Variants in RWDD3 observed in about 807,000 individuals in gnomAD.
The protein encoded by RWDD3 is RWD domain-containing protein 3.
Under a neutral mutation model 26.5 loss-of-function variants are expected in RWDD3, and 30 were observed. That is an observed-to-expected ratio of 1.13 (90% CI 0.85 to 1.54). The LOEUF (loss-of-function observed/expected upper bound fraction) is 1.54. RWDD3 is among the 40% of genes most tolerant of loss of function. The probability of loss-of-function intolerance (pLI) is 0.00; values close to 1 mark genes in which losing one functional copy is unlikely to be tolerated. For synonymous variants in RWDD3, 113 were observed against 114.5 expected (o/e 0.99, Z 0.09); for missense variants, 296 against 309.1 (o/e 0.96, Z 0.32).
intron 1 of RWDD3, among the ~76,000 whole-genome samples, chr1:95,238,872 G>A (rs1197747132): frequency 6.6e-6 from 1 of 152,124 alleles, no homozygotes; most frequent in Non-Finnish European, 1.5e-5. Context: ...TTGAATTTCT[G>A]TTTGGAATGT....
chr1:95,234,408 G>T lies in RWDD3; in HGVS notation c.85+93G>T, dbSNP rs1293662475. 4 of 1,184,410 alleles carry T rather than the reference G, an allele frequency of 3.4e-6. No homozygotes were observed. In the African/African-American group the frequency reaches 4.6e-5, roughly 14 times the overall value. 73.4% of individuals were successfully genotyped at this position (1,184,410 alleles called of 1,614,324 possible). A position where few individuals can be genotyped will look rare whatever the true frequency, so the allele number is the denominator to read the frequency against. ...CCCCACCACGGAGCCTGGGCACCCC[G>T]CCTGGGCCCACGTATGGGGACCGGG... On this transcript the variant is annotated intron_variant, in intron 1 of 3. Coordinates refer to ENST00000370202, the MANE Select transcript of RWDD3 (RefSeq NM_015485.5).
Position 95,246,803 on chromosome 1 carries a change from A to G in RWDD3, c.737A>G (p.Gln246Arg). Residue 246 changes from glutamine to arginine, a missense_variant, in exon 4 of 4, where the codon CAA (glutamine) becomes CGA (arginine). Transcript: ENST00000370202. ...GAGTATTCAGCGTTGGATGAATTAC[A>G]AAAGGAATTTGAAACTGCAGGACTT... ...VKEYSALDEL[Q>R]KEFETAGLKK... The G allele has an allele frequency of 1.3e-6, 2 of 1,571,804 alleles. No homozygotes were observed. The highest frequency in any genetic ancestry group is 1.7e-4 in the Middle Eastern group (1 of 5,862).
In RWDD3 at chr1:95,246,588, G is replaced by C. The variant is rs1450523072; in HGVS notation, c.620G>C (p.Ser207Thr). ...QKTSKVDVDS[S>T]GKKCKEKMIS... ...ACCTCCAAAGTAGATGTGGACTCAA[G>C]TGGAAAGAAATGCAAAGAGAAAATG... The change falls in exon 3 of 4, where the codon AGT becomes ACT. Residue 207 changes from serine to threonine, a missense_variant. Physicochemically the swap from Ser to Thr is moderately conservative, Grantham distance 58. Transcript: ENST00000370202. 1 of 1,612,896 alleles carries C rather than the reference G, an allele frequency of 6.2e-7. No individual in the cohort carries two copies. Among genetic ancestry groups the C allele is most frequent in the Admixed American group, 1.7e-5 (1 of 59,938 alleles).
At position 95,246,525 on chromosome 1, in the gene RWDD3, A is replaced by T; in HGVS notation, c.574-17A>T. ...TCAGAGTAAGATATGTATTTAATGT[A>T]CTGATTTATTATTTAGGAGTACTTG... On this transcript the variant is annotated splice_polypyrimidine_tract_variant and intron_variant, in intron 2 of 3. Transcript: ENST00000370202. 7.1e-7 allele frequency: 1 copy of T among 1,399,074 alleles called. No homozygotes were observed. The highest frequency in any genetic ancestry group is 1.0e-6 in the Non-Finnish European group (1 of 989,606). 86.7% of individuals were successfully genotyped at this position (1,399,074 alleles called of 1,614,324 possible).
chr1:95,239,634 C>T (rs1015993638), intron 1 of RWDD3: 2 of 636,438 alleles, frequency 3.1e-6, no homozygotes, highest in Non-Finnish European at 4.5e-6. Context: ...TTTACCAAGA[C>T]CAATTAGGAA....
At chr1:95,242,481 C>T (rs1417153735) in intron 1 of RWDD3, among the ~76,000 whole-genome samples, 1 of 152,160 alleles carries the variant, frequency 6.6e-6, no homozygotes, top group African/African-American at 2.4e-5. Flanking sequence ...ATGTCAACTC[C>T]CTAGATGATT....
chr1:95,234,502 A>G (rs1194467220), intron 1 of RWDD3, among the ~76,000 whole-genome samples, 187 bp downstream of exon 1: 3 of 151,328 alleles, frequency 2.0e-5, no homozygotes, highest in South Asian at 2.1e-4. Flanking sequence ...GTGTGAGGCG[A>G]CCCCAGAAAC....
In RWDD3 at chr1:95,246,533, A is replaced by G. The variant is rs748317962; in HGVS notation, c.574-9A>G. On this transcript the variant is annotated splice_polypyrimidine_tract_variant and intron_variant, in intron 2 of 3. Coordinates refer to ENST00000370202, the MANE Select transcript of RWDD3 (RefSeq NM_015485.5). ...AGATATGTATTTAATGTACTGATTT[A>G]TTATTTAGGAGTACTTGATTCTTCA... 1 of 1,484,086 alleles carries G rather than the reference A, an allele frequency of 6.7e-7. No individual in the cohort carries two copies. The highest frequency in any genetic ancestry group is 1.4e-5 in the African/African-American group (1 of 71,924). 91.9% of individuals were successfully genotyped at this position (1,484,086 alleles called of 1,614,324 possible).
At chr1:95,240,005 T>G in intron 1 of RWDD3, 1 of 1,114,958 alleles carries the variant, frequency 9.0e-7, no homozygotes, top group Non-Finnish European at 1.2e-6. Context: ...GCATCTTGCT[T>G]CAGTGCGGAT....
Position 95,244,320 on chromosome 1 carries a change from A to G in RWDD3, c.195A>G (p.Leu65=). 1.2e-6 allele frequency: 2 copies of G among 1,614,204 alleles called. No individual in the cohort carries two copies. The highest frequency in any genetic ancestry group is 1.1e-5 in the South Asian group (1 of 91,082). The change falls in exon 2 of 4, where the codon CTA becomes CTG. Residue 65 remains leucine (L), a synonymous_variant. Transcript: ENST00000370202. ...FHLPVNYPSC[L]PGISINSEQL... ...TGCCAGTCAATTATCCTTCATGTCT[A>G]CCTGGTATCTCGATTAACTCTGAAC... is the stretch of plus-strand genomic sequence containing the variant.
At position 95,244,273 on chromosome 1, in the gene RWDD3, CCTCTGG is replaced by C. The variant is rs1221911247; in HGVS notation, c.149_154del (p.Pro50_Glu52delinsGln). 1 of 1,614,174 alleles carries C rather than the reference CCTCTGG, an allele frequency of 6.2e-7. No individual in the cohort carries two copies. The highest frequency in any genetic ancestry group is 2.2e-5 in the East Asian group (1 of 44,884). On this transcript the variant is annotated inframe_deletion, in exon 2 of 4. Coordinates refer to ENST00000370202, the MANE Select transcript of RWDD3 (RefSeq NM_015485.5). ...TGAAGGATTTATGGATGTGGATATA[CCTCTGG>C]AATTGGTGTTCCATTTGCCAGTCAA...
intron 1 of RWDD3, among the ~76,000 whole-genome samples, chr1:95,242,687 G>A (rs975803909): frequency 1.3e-5 from 2 of 152,204 alleles, no homozygotes; most frequent in Non-Finnish European, 2.9e-5. Context: ...GGGAGGCCAA[G>A]GCGGGTGGTT....
At chr1:95,234,628 A>C (rs1571834477) in intron 1 of RWDD3, among the ~76,000 whole-genome samples, 3 of 126,836 alleles carry the variant, frequency 2.4e-5, no homozygotes, top group Non-Finnish European at 3.2e-5. Flanking sequence ...CTCAGATCTC[A>C]CCCTATAAAG....
intron 2 of RWDD3, chr1:95,245,025 A>AG (rs1435385157): frequency 4.2e-6 from 1 of 240,946 alleles, no homozygotes; most frequent in East Asian, 9.7e-5. Context: ...GTGCACTAAA[A>AG]GTTTGTGCAT....
intron 2 of RWDD3, 26 bp downstream of exon 2, chr1:95,244,724 T>C (rs774989913): frequency 7.5e-6 from 12 of 1,599,018 alleles, no homozygotes; most frequent in Non-Finnish European, 1.0e-5. Context: ...ATGTTGAGTA[T>C]GAATCTGGCT....
Position 95,246,782 on chromosome 1 carries a change from A to G in RWDD3, c.716A>G (p.Tyr239Cys). 2 of 1,568,252 alleles carry G rather than the reference A, an allele frequency of 1.3e-6. No homozygotes were observed. Among genetic ancestry groups the G allele is most frequent in the Non-Finnish European group, 1.7e-6 (2 of 1,161,306 alleles). The change falls in exon 4 of 4, where the codon TAT becomes TGT. Residue 239 changes from tyrosine to cysteine, a missense_variant. Coordinates refer to ENST00000370202, the MANE Select transcript of RWDD3 (RefSeq NM_015485.5). ...KRFLAFEVKE[Y>C]SALDELQKEF... ...TTTCTGGCATTTGAAGTCAAAGAGT[A>G]TTCAGCGTTGGATGAATTACAAAAG...
At chr1:95,242,564 T>C (rs987654687) in intron 1 of RWDD3, among the ~76,000 whole-genome samples, 7 of 152,230 alleles carry the variant, frequency 4.6e-5, no homozygotes, top group African/African-American at 1.7e-4. Context: ...TTTTACATAT[T>C]GAAATGTACT....
chr1:95,245,879 G>A (rs1287166115), intron 2 of RWDD3, among the ~76,000 whole-genome samples: 1 of 151,990 alleles, frequency 6.6e-6, no homozygotes, highest in African/African-American at 2.4e-5. Flanking sequence ...TAATTAACAG[G>A]TATCTATTCA....
At chr1:95,241,696 C>T (rs935750561) in intron 1 of RWDD3, among the ~76,000 whole-genome samples, 1 of 152,214 alleles carries the variant, frequency 6.6e-6, no homozygotes, top group Non-Finnish European at 1.5e-5. Context: ...GAGAGACGTA[C>T]ACTGACACAG....
Sources: gnomAD v4.1 joint callset for allele counts (sites outside exome capture counted in the v4.1 genomes callset) on GRCh38, gnomAD v4.1.1 for gene constraint, MANE v1.5 for transcripts, NCBI Gene and HGNC (gene_info 2026-07-23, HGNC 2026-07-21) for gene names.